The following NFIA variants were observed in gnomAD, a reference collection of about 807,000 sequenced individuals.
NFIA encodes nuclear factor I A, also known as nuclear factor 1 A-type.
A neutral mutation model predicts 62.8 loss-of-function variants in NFIA; 8 were observed. The ratio of observed to expected loss-of-function variants is 0.13; its 90% CI spans 0.07 to 0.23. The LOEUF is 0.23. Ranked by LOEUF, NFIA falls within the 10% of genes least tolerant of loss-of-function variation. The probability of loss-of-function intolerance (pLI) is 1.00; values close to 1 mark genes in which losing one functional copy is unlikely to be tolerated. For missense variants in NFIA, 410 were observed against 642.1 expected, an observed-to-expected ratio of 0.64 and a Z score of 3.91; for synonymous variants, 235 against 238.1, an observed-to-expected ratio of 0.99 and a Z score of 0.12.
chr1:61,136,086 A>G (rs1457693169), intron 2 of NFIA, among the ~76,000 whole-genome samples: 1 of 152,224 alleles, frequency 6.6e-6, no homozygotes, highest in Non-Finnish European at 1.5e-5. Context: ...TTGTCCATGC[A>G]TTCTTTTCGG....
chr1:61,458,625 G>C lies in NFIA; in HGVS notation c.*3305G>C, dbSNP rs1557458182. 1 of 150,006 alleles carries C rather than the reference G, an allele frequency of 6.7e-6. No individual in the cohort carries two copies. The allele number at this position is 150,006 out of a possible 1,614,324, so 9.3% of individuals were successfully genotyped here. On this transcript the variant is annotated 3_prime_UTR_variant, in exon 11 of 11. Coordinates refer to ENST00000403491, the MANE Select transcript of NFIA (RefSeq NM_001134673.4). ...TTATAAAGGCAGCGTTCATAGAATT[G>C]CTTTTCTTTCTTTTTACCCCCCCTT...
At chr1:61,394,851 G>C (rs898330326) in intron 7 of NFIA, among the ~76,000 whole-genome samples, 15 of 152,206 alleles carry the variant, frequency 9.9e-5, no homozygotes, top group African/African-American at 3.4e-4. Flanking sequence ...GCTCACACCT[G>C]TAATCCCAAC....
At chr1:61,263,883 A>T (rs1656934537) in intron 2 of NFIA, among the ~76,000 whole-genome samples, 1 of 152,040 alleles carries the variant, frequency 6.6e-6, no homozygotes, top group Non-Finnish European at 1.5e-5. Flanking sequence ...CCAGCTACTC[A>T]CGAGGCTGAG....
intron 2 of NFIA, among the ~76,000 whole-genome samples, chr1:61,222,350 A>G (rs1654066626): frequency 6.6e-6 from 1 of 152,122 alleles, no homozygotes; most frequent in African/African-American, 2.4e-5. Flanking sequence ...TACCGTTTAG[A>G]GTCTTGCAGT....
chr1:61,351,101 T>C (rs951188821), intron 4 of NFIA, among the ~76,000 whole-genome samples: 2 of 152,230 alleles, frequency 1.3e-5, no homozygotes, highest in Non-Finnish European at 2.9e-5. Flanking sequence ...CATGAGATAT[T>C]CAACACTTTA....
intron 10 of NFIA, among the ~76,000 whole-genome samples, chr1:61,431,722 C>T (rs1301413843): frequency 1.3e-5 from 2 of 152,226 alleles, no homozygotes; most frequent in African/African-American, 4.8e-5. Context: ...GAGGTCCCTG[C>T]ATAGCCAAAT....
rs866636760 is a variant in NFIA at position 61,219,722 on chromosome 1, A to G, written c.560-57798A>G. Among the ~76,000 whole-genome samples, 3 of 148,886 alleles carry G rather than the reference A, an allele frequency of 2.0e-5. 1 individual carries two copies. Among genetic ancestry groups the G allele is most frequent in the African/African-American group, 7.6e-5 (3 of 39,290 alleles). On this transcript the variant is annotated intron_variant, in intron 2 of 10. Transcript: ENST00000403491. ...GAGCGAGACTCCGTCTCAAAAAAAA[A>G]AAAAGAAAAAAGGCGGGCGGATCAC...
intron 2 of NFIA, among the ~76,000 whole-genome samples, chr1:61,196,897 GA>G (rs1652037485): frequency 2.8e-5 from 2 of 72,224 alleles, no homozygotes; most frequent in Admixed American, 1.7e-4. Context: ...AACCTTAAAG[GA>G]GTGTGTGTGT....
chr1:61,307,798 T>C (rs1659880797), intron 3 of NFIA, among the ~76,000 whole-genome samples: 1 of 152,232 alleles, frequency 6.6e-6, no homozygotes, highest in Non-Finnish European at 1.5e-5. Context: ...CTCTGGATTT[T>C]TCTGAGCATT....
At chr1:61,369,019 T>G (rs1193467187) in intron 6 of NFIA, among the ~76,000 whole-genome samples, 2 of 152,154 alleles carry the variant, frequency 1.3e-5, no homozygotes, top group Non-Finnish European at 2.9e-5. Context: ...GGTGAGGAGT[T>G]TATTCAGCGG....
intron 2 of NFIA, among the ~76,000 whole-genome samples, chr1:61,130,733 A>T (rs1647058686): frequency 6.6e-6 from 1 of 152,178 alleles, no homozygotes; most frequent in African/African-American, 2.4e-5. Flanking sequence ...TCAGTGGTTA[A>T]ACCTGAGCTA....
intron 2 of NFIA, among the ~76,000 whole-genome samples, chr1:61,146,988 CAG>C (rs534692835): frequency 7.0e-4 from 106 of 152,248 alleles, no homozygotes; most frequent in African/African-American, 2.5e-3. Context: ...GGACACCTGA[CAG>C]AGCTGTGGAT....
intron 4 of NFIA, among the ~76,000 whole-genome samples, chr1:61,336,299 T>C (rs1440092232): frequency 1.3e-5 from 2 of 152,218 alleles, no homozygotes; most frequent in African/African-American, 4.8e-5. Flanking sequence ...GCAAGTAAGA[T>C]ACTTAATTAA....
chr1:61,393,544 G>A (rs1665118025), intron 7 of NFIA, among the ~76,000 whole-genome samples: 1 of 151,706 alleles, frequency 6.6e-6, no homozygotes, highest in Admixed American at 6.6e-5. Context: ...TCTGGGTTTG[G>A]GTCATTTGCT....
chr1:61,151,526 G>A (rs1027553492), intron 2 of NFIA, among the ~76,000 whole-genome samples: 2 of 152,092 alleles, frequency 1.3e-5, no homozygotes, highest in Admixed American at 6.6e-5. Flanking sequence ...CTTAGAAAGG[G>A]AGAAGAAATC....
Position 61,120,486 on chromosome 1 carries a change from G to A in NFIA, c.559+31806G>A, listed in dbSNP as rs556004213. 5.3e-5 allele frequency among the ~76,000 whole-genome samples: 8 copies of A among 152,236 alleles called. No individual in the cohort carries two copies. The South Asian group carries it at 1.5e-3, about 28-fold the overall frequency. ...TGAGCATTCCAGGCACACTCTGGTC[G>A]TTTTGTTATTCTAATGTCCACTTAT... On this transcript the variant is annotated intron_variant, in intron 2 of 10. Coordinates refer to ENST00000403491, the MANE Select transcript of NFIA (RefSeq NM_001134673.4).
intron 2 of NFIA, among the ~76,000 whole-genome samples, chr1:61,255,900 T>C (rs184343517): frequency 3.9e-4 from 60 of 152,298 alleles, no homozygotes; most frequent in African/African-American, 1.4e-3. Flanking sequence ...GGGCTCAAGC[T>C]TCCCATGTCA....
chr1:61,347,767 A>G (rs1662321595), intron 4 of NFIA, among the ~76,000 whole-genome samples: 1 of 152,180 alleles, frequency 6.6e-6, no homozygotes, highest in Non-Finnish European at 1.5e-5. Context: ...CCTTTTGGGG[A>G]CAGAGACACT....
chr1:61,244,547 T>G (rs1447921368), intron 2 of NFIA, among the ~76,000 whole-genome samples: 1 of 152,316 alleles, frequency 6.6e-6, no homozygotes, highest in East Asian at 1.9e-4. Flanking sequence ...GTGAGTTAAA[T>G]TATATGGTTA....
Sources: gnomAD v4.1 joint callset for allele counts (sites outside exome capture counted in the v4.1 genomes callset) on GRCh38, gnomAD v4.1.1 for gene constraint, MANE v1.5 for transcripts, NCBI Gene and HGNC (gene_info 2026-07-23, HGNC 2026-07-21) for gene names.